MRPS18B: variants seen among roughly 807,000 people sequenced by gnomAD.
The protein encoded by MRPS18B is small ribosomal subunit protein mS40.
MRPS18B carries 27 observed loss-of-function variants against 28.4 expected under a neutral mutation model. The observed-to-expected ratio is 0.95, with a 90% CI of 0.70 to 1.31. The LOEUF (loss-of-function observed/expected upper bound fraction) is 1.31. Among genes scored for constraint, MRPS18B ranks in the 40% most tolerant of loss-of-function variants. MRPS18B has a pLI of 0.00. For missense variants in MRPS18B, 343 were observed against 335.9 expected (o/e 1.02, Z -0.17); for synonymous variants, 118 against 123.7 (o/e 0.95, Z 0.30).
At chr6:30,621,158 T>C (rs1761134713) in intron 4 of MRPS18B, among the ~76,000 whole-genome samples, 5 of 152,214 alleles carry the variant, frequency 3.3e-5, no homozygotes, top group Admixed American at 3.3e-4. Flanking sequence ...TGCTAGCACT[T>C]TGGGAGGCCC....
At chr6:30,619,672 C>A (rs1561867827) in intron 2 of MRPS18B, 37 bp from the exon 3 acceptor site, 1 of 1,610,636 alleles carries the variant, frequency 6.2e-7, no homozygotes, top group Non-Finnish European at 8.5e-7. Context: ...CCACTACACT[C>A]CCACCCAGGA....
chr6:30,624,568 G>A (rs1421668712), intron 5 of MRPS18B, among the ~76,000 whole-genome samples: 1 of 152,076 alleles, frequency 6.6e-6, no homozygotes, highest in Non-Finnish European at 1.5e-5. Context: ...GAATCTTTGT[G>A]GATTGTTCAA....
Position 30,619,903 on chromosome 6 carries a change from T to C in MRPS18B, c.286-18T>C. 6.2e-7 allele frequency: 1 copy of C among 1,613,582 alleles called. No homozygotes were observed. Among genetic ancestry groups the C allele is most frequent in the Non-Finnish European group, 8.5e-7 (1 of 1,179,562 alleles). On this transcript the variant is annotated intron_variant, in intron 3 of 6. Coordinates refer to ENST00000259873, the MANE Select transcript of MRPS18B (RefSeq NM_014046.4). ...CGTGTTTGAACATCCTTAACTGCTG[T>C]TTTTTTTCTCTCTACAGCGTCGGAA...
intron 5 of MRPS18B, among the ~76,000 whole-genome samples, chr6:30,623,600 G>A (rs138666755): frequency 4.6e-5 from 7 of 152,114 alleles, no homozygotes; most frequent in South Asian, 2.1e-4. Context: ...CCACTGTCAC[G>A]TCCATTTGTT....
Position 30,625,563 on chromosome 6 carries a change from T to A in MRPS18B, c.543T>A (p.His181Gln). ...EPRDLDFSTS[H>Q]GAVSATPPAP... ...GGGACCTTGACTTCAGTACCTCTCA[T>A]GGGGCTGTGAGTGCTACTCCGCCAG... is the stretch of plus-strand genomic sequence containing the variant. Residue 181 changes from histidine to glutamine, a missense_variant, in exon 7 of 7, where the codon CAT becomes CAA. By Grantham distance (24) the His-to-Gln change is conservative. Coordinates refer to ENST00000259873, the MANE Select transcript of MRPS18B (RefSeq NM_014046.4). The A allele has an allele frequency of 6.2e-7, 1 of 1,606,456 alleles. No homozygotes were observed. The highest frequency in any genetic ancestry group is 8.5e-7 in the Non-Finnish European group (1 of 1,174,512).
At chr6:30,621,150 C>G (rs1761134010) in intron 4 of MRPS18B, among the ~76,000 whole-genome samples, 1 of 152,218 alleles carries the variant, frequency 6.6e-6, no homozygotes, top group African/African-American at 2.4e-5. Flanking sequence ...GCCTGTAATG[C>G]TAGCACTTTG....
rs900242991 is a variant in MRPS18B at position 30,625,399 on chromosome 6, T to C, written c.482-103T>C. 2.1e-5 allele frequency: 25 copies of C among 1,166,062 alleles called. 1 individual carries two copies. The East Asian group carries it at 5.5e-4, about 25-fold the overall frequency. 72.2% of individuals were successfully genotyped at this position (1,166,062 alleles called of 1,614,324 possible). Reference sequence around the variant, plus strand: ...AGTATACAACATGCATAAATGTACCTGGTGGCTCTGACTGGTCCTTCCCTT... The same window carrying C: ...AGTATACAACATGCATAAATGTACCCGGTGGCTCTGACTGGTCCTTCCCTT... On this transcript the variant is annotated intron_variant, in intron 6 of 6. Transcript: ENST00000259873.
At chr6:30,619,411 C>T in intron 1 of MRPS18B, 82 bp from the exon 2 acceptor site, 6 of 1,127,858 alleles carry the variant, frequency 5.3e-6, no homozygotes, top group Non-Finnish European at 7.9e-6. Context: ...TGTGTGCATT[C>T]CTCCTTTCCA....
At chr6:30,619,878 C>T (rs564769387) in intron 3 of MRPS18B, 43 bp from the exon 4 acceptor site, 133 of 1,610,694 alleles carry the variant, frequency 8.3e-5, no homozygotes, top group Middle Eastern at 8.3e-4. Context: ...CTTTTTCTGA[C>T]GTGTTTGAAC....
chr6:30,625,582 C>G lies in MRPS18B; in HGVS notation c.562C>G (p.Pro188Ala). ...CTCTCATGGGGCTGTGAGTGCTACT[C>G]CGCCAGCCCCCACCCTGGTCTCAGG... ...STSHGAVSAT[P>A]PAPTLVSGDP... The change falls in exon 7 of 7, where the codon CCG becomes GCG. Residue 188 changes from proline (P) to alanine (A), a missense_variant. Pro to Ala is a conservative substitution (Grantham distance 27). Coordinates refer to ENST00000259873, the MANE Select transcript of MRPS18B (RefSeq NM_014046.4). 1 of 1,610,830 alleles carries G rather than the reference C, an allele frequency of 6.2e-7. No homozygotes were observed. Among genetic ancestry groups the G allele is most frequent in the Non-Finnish European group, 8.5e-7 (1 of 1,178,154 alleles).
At chr6:30,621,030 A>G (rs1170499520) in intron 4 of MRPS18B, among the ~76,000 whole-genome samples, 1 of 152,246 alleles carries the variant, frequency 6.6e-6, no homozygotes, top group Admixed American at 6.5e-5. Flanking sequence ...GGGCAGGTAT[A>G]TGAAGCAAGA....
In MRPS18B at chr6:30,617,884, A is replaced by T; in HGVS notation, c.19A>T (p.Asn7Tyr). Residue 7 changes from asparagine to tyrosine, a missense_variant, in exon 1 of 7, where the codon AAC becomes TAC. By Grantham distance (143) the Asn-to-Tyr change is moderately radical. Transcript: ENST00000259873. ...CGTCAAGATGGCGGCGTCTGTATTA[A>T]ACACCGTGCTGAGGCGGCTTCCTAT... The part of the protein sequence containing the change: MAASVL[N>Y]TVLRRLPMLS... The T allele has an allele frequency of 6.2e-7, 1 of 1,614,152 alleles. No homozygotes were observed. The highest frequency in any genetic ancestry group is 8.5e-7 in the Non-Finnish European group (1 of 1,180,028).
In MRPS18B at chr6:30,617,947, A is replaced by G. The variant is rs199820534; in HGVS notation, c.78+4A>G. 4 of 1,613,768 alleles carry G rather than the reference A, an allele frequency of 2.5e-6. No individual in the cohort carries two copies. Among genetic ancestry groups the G allele is most frequent in the East Asian group, 4.5e-5 (2 of 44,868 alleles). ...CCGAGGTTCTCACAGAGTTCAGGTA[A>G]CTCTTCGAAAGACATTTTGCACAAC... is the stretch of plus-strand genomic sequence containing the variant. On this transcript the variant is annotated splice_donor_region_variant and intron_variant, in intron 1 of 6. Transcript: ENST00000259873.
chr6:30,619,546 C>G lies in MRPS18B; in HGVS notation c.132C>G (p.Ser44=). The G allele has an allele frequency of 6.2e-7, 1 of 1,613,034 alleles. No homozygotes were observed. Among genetic ancestry groups the G allele is most frequent in the East Asian group, 2.2e-5 (1 of 44,884 alleles). ...CTCCCTCTGAGGAAGATTCTTTGTC[C>G]TCAGTTCCCATTTCTCCTTATAAGG... ...TKAPSEEDSL[S]SVPISPYKDE... is the part of the protein sequence containing the mutation. Residue 44 remains serine, a synonymous_variant, in exon 2 of 7, where the codon TCC becomes TCG. Transcript: ENST00000259873.
Position 30,624,850 on chromosome 6 carries a change from G to A in MRPS18B, c.422-33G>A, listed in dbSNP as rs1293437426. The A allele has an allele frequency of 3.1e-6, 5 of 1,609,632 alleles. No homozygotes were observed. The African/African-American group carries it at 5.3e-5, about 17-fold the overall frequency. On this transcript the variant is annotated intron_variant, in intron 5 of 6. Transcript: ENST00000259873. ...GCAGTTGTGTTCTATTATTTACTGT[G>A]CCTTAAAGAACAAGATATTTTTCTC...
chr6:30,620,017 A>T (rs889600846), intron 4 of MRPS18B, 28 bp downstream of exon 4: 13 of 1,606,032 alleles, frequency 8.1e-6, no homozygotes, highest in Non-Finnish European at 1.7e-6. Flanking sequence ...TTTTTAGGGT[A>T]AGAAAAATAA....
intron 4 of MRPS18B, chr6:30,620,273 CAT>C: frequency 8.6e-6 from 3 of 350,450 alleles, no homozygotes; most frequent in Non-Finnish European, 1.6e-5. Flanking sequence ...GCTGAGATCG[CAT>C]CACCGCACTC....
chr6:30,619,674 C>T, intron 2 of MRPS18B, 35 bp from the exon 3 acceptor site: 1 of 1,610,904 alleles, frequency 6.2e-7, no homozygotes, highest in Non-Finnish European at 8.5e-7. Flanking sequence ...ACTACACTCC[C>T]ACCCAGGAAT....
rs1243904875 is a variant in MRPS18B at position 30,625,616 on chromosome 6, G to A, written c.596G>A (p.Trp199Ter). 2 of 1,612,836 alleles carry A rather than the reference G, an allele frequency of 1.2e-6. No individual in the cohort carries two copies. Among genetic ancestry groups the A allele is most frequent in the African/African-American group, 1.3e-5 (1 of 74,886 alleles). The change falls in exon 7 of 7, where the codon TGG becomes TAG. Residue 199 changes from tryptophan (W) to a stop codon, truncating the protein, a stop_gained. Coordinates refer to ENST00000259873, the MANE Select transcript of MRPS18B (RefSeq NM_014046.4). LOFTEE classifies it high-confidence loss of function. ...CCCACCCTGGTCTCAGGTGACCCCT[G>A]GTACCCATGGTACAACTGGAAACAG... Reference protein sequence around the residue: ...PAPTLVSGDPWYPWYNWKQPP... With the variant: ...PAPTLVSGDP
Sources: allele counts gnomAD v4.1 joint callset (sites outside exome capture counted in the v4.1 genomes callset), GRCh38; gene constraint gnomAD v4.1.1; transcripts MANE v1.5; gene names NCBI Gene and HGNC (gene_info 2026-07-23, HGNC 2026-07-21).